Variants in SIK3 observed in about 807,000 individuals in gnomAD.
SIK3 encodes the protein SIK family kinase 3.
In SIK3, 28 loss-of-function variants were observed where a neutral mutation model predicts 144.2. The observed-to-expected ratio is 0.19, with a 90% CI of 0.14 to 0.27. SIK3 has a LOEUF of 0.27. Ranked by LOEUF, SIK3 falls within the 10% of genes least tolerant of loss-of-function variation. The probability of loss-of-function intolerance (pLI) is 1.00; values close to 1 mark genes in which losing one functional copy is unlikely to be tolerated. For synonymous variants in SIK3, 686 were observed against 676.3 expected (o/e 1.01, Z -0.22); for missense variants, 1,319 against 1,776.0 (o/e 0.74, Z 4.62).
chr11:116,954,712 T>C (rs147578767), intron 2 of SIK3, among the ~76,000 whole-genome samples: 95 of 152,354 alleles, frequency 6.2e-4, no homozygotes, highest in African/African-American at 1.9e-3. Flanking sequence ...TTAAAATTCA[T>C]TGTAGTATGT....
At chr11:117,086,240 CATG>C (rs1348913859) in intron 1 of SIK3, among the ~76,000 whole-genome samples, 6 of 152,214 alleles carry the variant, frequency 3.9e-5, no homozygotes, top group African/African-American at 1.4e-4. Flanking sequence ...CAAATTTAAA[CATG>C]ATAGGACTGC....
At chr11:117,045,446 CGGTAATT>C (rs951985360) in intron 1 of SIK3, among the ~76,000 whole-genome samples, 8 of 152,124 alleles carry the variant, frequency 5.3e-5, no homozygotes, top group African/African-American at 1.9e-4. Context: ...TAAGAGTGAA[CGGTAATT>C]GCTCCGTTGG....
chr11:116,969,954 A>G (rs1172161588), intron 1 of SIK3, among the ~76,000 whole-genome samples: 1 of 152,128 alleles, frequency 6.6e-6, no homozygotes, highest in Non-Finnish European at 1.5e-5. Flanking sequence ...TCTAATCCTC[A>G]ATGTTTTCAT....
At chr11:117,003,417 T>C (rs1025546847) in intron 1 of SIK3, among the ~76,000 whole-genome samples, 1 of 152,264 alleles carries the variant, frequency 6.6e-6, no homozygotes, top group South Asian at 2.1e-4. Context: ...ACAATTTTTC[T>C]AGTATAAAAT....
At chr11:117,079,137 T>C (rs59839888) in intron 1 of SIK3, among the ~76,000 whole-genome samples, 6,321 of 152,310 alleles carry the variant, frequency 0.042, 267 homozygotes, top group African/African-American at 0.1. Flanking sequence ...AAGGAGATTA[T>C]AGAGCTTCCC....
intron 3 of SIK3, among the ~76,000 whole-genome samples, chr11:116,942,466 C>G (rs1423512928): frequency 1.3e-5 from 2 of 151,902 alleles, no homozygotes; most frequent in Non-Finnish European, 2.9e-5. Flanking sequence ...TGACTCAAGA[C>G]AGTAAAAAAA....
intron 1 of SIK3, among the ~76,000 whole-genome samples, chr11:117,047,138 G>A (rs780252809): frequency 7.9e-5 from 12 of 152,124 alleles, no homozygotes; most frequent in Non-Finnish European, 2.9e-5. Flanking sequence ...GTTGGATTGT[G>A]GTATGGTTAC....
At chr11:117,089,703 G>C (rs1032714046) in intron 1 of SIK3, among the ~76,000 whole-genome samples, 1 of 152,082 alleles carries the variant, frequency 6.6e-6, no homozygotes, top group African/African-American at 2.4e-5. Flanking sequence ...GCTGAAACTA[G>C]ACAGAAATTT....
At chr11:116,922,213 C>G (rs1257163730) in intron 4 of SIK3, among the ~76,000 whole-genome samples, 1 of 152,170 alleles carries the variant, frequency 6.6e-6, no homozygotes, top group African/African-American at 2.4e-5. Context: ...TATCAAATAT[C>G]AAATGTAGGC....
At chr11:116,982,843 T>C (rs531190648) in intron 1 of SIK3, among the ~76,000 whole-genome samples, 2 of 148,484 alleles carry the variant, frequency 1.3e-5, no homozygotes, top group Admixed American at 6.8e-5. Context: ...ACTCAGGAGG[T>C]TGAAGCAGGA....
Position 117,021,228 on chromosome 11 carries a change from G to A in SIK3, c.274-64164C>T, listed in dbSNP as rs4319540. Among the ~76,000 whole-genome samples, 1,170 of 152,264 alleles carry A rather than the reference G, an allele frequency of 7.7e-3. 14 individuals are homozygous for A. The highest frequency in any genetic ancestry group is 0.024 in the African/African-American group (989 of 41,536). On this transcript the variant is annotated intron_variant, in intron 1 of 24. Coordinates refer to ENST00000445177, the MANE Select transcript of SIK3 (RefSeq NM_001366686.3). ...ACAGTCATTCGAGCAGTTTCTACACGAGAGAAGAAAGTCTACTGCATCGTA... is the reference window on the plus strand; with the variant it reads ...ACAGTCATTCGAGCAGTTTCTACACAAGAGAAGAAAGTCTACTGCATCGTA...
intron 21 of SIK3, among the ~76,000 whole-genome samples, chr11:116,852,314 C>T (rs562036725): frequency 2.6e-5 from 4 of 152,334 alleles, no homozygotes; most frequent in Admixed American, 1.3e-4. Context: ...CTGTCTTCCC[C>T]GCCTTCAGGT....
chr11:117,053,576 A>G (rs1953363075), intron 1 of SIK3, among the ~76,000 whole-genome samples: 1 of 152,168 alleles, frequency 6.6e-6, no homozygotes, highest in Non-Finnish European at 1.5e-5. Context: ...GTTATATACA[A>G]CTACCTTAAT....
At position 116,993,579 on chromosome 11, in the gene SIK3, T is replaced by C. The variant is rs949840800; in HGVS notation, c.274-36515A>G. The stretch of plus-strand genomic sequence containing the variant: ...ATTCTAAAAAGTATAGAGGAGCAGA[T>C]ATTTAGGAAAACATGTATATTCCTT... On this transcript the variant is annotated intron_variant, in intron 1 of 24. Transcript: ENST00000445177. Among the ~76,000 whole-genome samples the C allele has an allele frequency of 2.0e-5, 3 of 152,176 alleles. No individual in the cohort carries two copies. In the East Asian group the frequency reaches 5.8e-4, roughly 29 times the overall value.
At chr11:116,921,780 G>A (rs867206742) in intron 4 of SIK3, among the ~76,000 whole-genome samples, 7 of 152,170 alleles carry the variant, frequency 4.6e-5, no homozygotes, top group Admixed American at 3.3e-4. Context: ...TTAAGAACAC[G>A]GATTTGTTAC....
intron 21 of SIK3, among the ~76,000 whole-genome samples, chr11:116,854,238 T>G (rs1942692194): frequency 1.3e-5 from 2 of 152,076 alleles, no homozygotes; most frequent in African/African-American, 4.8e-5. Context: ...GGCACGCGCC[T>G]GTAGTCCCAG....
At chr11:117,057,990 C>T (rs1018051420) in intron 1 of SIK3, among the ~76,000 whole-genome samples, 17 of 152,220 alleles carry the variant, frequency 1.1e-4, no homozygotes, top group African/African-American at 4.1e-4. Flanking sequence ...TACCTTTAGG[C>T]AAATGGAAGG....
chr11:116,920,890 G>C (rs1169051512), intron 4 of SIK3, among the ~76,000 whole-genome samples: 2 of 152,150 alleles, frequency 1.3e-5, no homozygotes, highest in African/African-American at 4.8e-5. Context: ...ATCATCCTCT[G>C]AACTCCTATG....
intron 1 of SIK3, among the ~76,000 whole-genome samples, chr11:117,037,789 G>GA (rs1397142293): frequency 7.5e-6 from 1 of 133,644 alleles, no homozygotes; most frequent in Non-Finnish European, 1.6e-5. Context: ...AGCAGAAGAA[G>GA]AAAAACACAC....
Sources: gnomAD v4.1 joint callset for allele counts (sites outside exome capture counted in the v4.1 genomes callset) on GRCh38, gnomAD v4.1.1 for gene constraint, MANE v1.5 for transcripts, NCBI Gene and HGNC (gene_info 2026-07-23, HGNC 2026-07-21) for gene names.